Variants in OSBPL5 observed in about 807,000 individuals in gnomAD.
OSBPL5 encodes oxysterol binding protein like 5.
Under a neutral mutation model 111.2 loss-of-function variants are expected in OSBPL5, and 71 were observed. The observed-to-expected ratio is 0.64, with a 90% CI of 0.53 to 0.78. OSBPL5 has a LOEUF of 0.78. Ranked by LOEUF, OSBPL5 falls within the 30% of genes least tolerant of loss-of-function variation. The pLI is 0.00. For missense variants in OSBPL5, 1,210 were observed against 1,189.3 expected (o/e 1.02, Z -0.26); for synonymous variants, 549 against 513.9 (o/e 1.07, Z -0.93).
chr11:3,159,006 C>T (rs1468610726), intron 1 of OSBPL5, among the ~76,000 whole-genome samples: 2 of 152,114 alleles, frequency 1.3e-5, no homozygotes, highest in Admixed American at 1.3e-4. Flanking sequence ...TGAAGCCCAG[C>T]GAGGAGCAGC....
At chr11:3,094,455 G>C (rs1857181616) in intron 14 of OSBPL5, 121 bp from the exon 15 acceptor site, 6 of 734,346 alleles carry the variant, frequency 8.2e-6, no homozygotes, top group African/African-American at 7.0e-5. Context: ...CGATCCCTGG[G>C]AGGCCTGTGT....
At chr11:3,120,675 T>G (rs1308370364) in intron 5 of OSBPL5, 51 bp from the exon 6 acceptor site, 11 of 1,590,034 alleles carry the variant, frequency 6.9e-6, no homozygotes, top group African/African-American at 1.3e-5. Context: ...CCGCCATCCC[T>G]GGGGCATCTT....
At chr11:3,156,605 G>T (rs1203334149) in intron 1 of OSBPL5, among the ~76,000 whole-genome samples, 1 of 152,202 alleles carries the variant, frequency 6.6e-6, no homozygotes, top group Non-Finnish European at 1.5e-5. Context: ...GACGCCTAAA[G>T]CAAATACAAG....
intron 1 of OSBPL5, among the ~76,000 whole-genome samples, chr11:3,163,011 G>A (rs139780669): frequency 4.6e-5 from 7 of 152,142 alleles, no homozygotes; most frequent in African/African-American, 1.4e-4. Context: ...TGCACCTAAC[G>A]GCTCCCTCCC....
Position 3,107,529 on chromosome 11 carries a change from C to A in OSBPL5, c.867-74G>T. ...GCACAGCCCTCTGGGCTGCCCACCC[C>A]TCGCTGCTCCGCACTTCACATACGT... On this transcript the variant is annotated intron_variant, in intron 8 of 21. Coordinates refer to ENST00000263650, the MANE Select transcript of OSBPL5 (RefSeq NM_020896.4). The surrounding 1 kb of genome is among the most constrained non-coding windows in gnomAD (Gnocchi z 6.1). 6.5e-7 allele frequency: 1 copy of A among 1,527,988 alleles called. No homozygotes were observed. The highest frequency in any genetic ancestry group is 9.0e-7 in the Non-Finnish European group (1 of 1,112,928). 94.7% of individuals were successfully genotyped at this position (1,527,988 alleles called of 1,614,324 possible).
At chr11:3,150,980 C>T (rs1358800608) in intron 1 of OSBPL5, among the ~76,000 whole-genome samples, 2 of 152,140 alleles carry the variant, frequency 1.3e-5, no homozygotes, top group East Asian at 3.9e-4. Context: ...AAAGGTGTGT[C>T]CAAGTCCTAA....
chr11:3,099,412 C>T (rs887911485), intron 14 of OSBPL5, among the ~76,000 whole-genome samples: 3 of 152,098 alleles, frequency 2.0e-5, no homozygotes, highest in Admixed American at 6.5e-5. Flanking sequence ...ATTGGCTCAT[C>T]GATGATACCA....
chr11:3,143,613 A>G (rs1446701371), intron 1 of OSBPL5, among the ~76,000 whole-genome samples: 1 of 152,248 alleles, frequency 6.6e-6, no homozygotes, highest in Non-Finnish European at 1.5e-5. Context: ...CAAAGGCCAC[A>G]TCTTGTCCGC....
At position 3,146,149 on chromosome 11, in the gene OSBPL5, A is replaced by G. The variant is rs1184056881; in HGVS notation, c.-21-16980T>C. 2.0e-5 allele frequency: 3 copies of G among 152,176 alleles called. No homozygotes were observed. The highest frequency in any genetic ancestry group is 4.8e-5 in the African/African-American group (2 of 41,416). 9.4% of individuals were successfully genotyped at this position (152,176 alleles called of 1,614,324 possible). On this transcript the variant is annotated intron_variant, in intron 1 of 21. Coordinates refer to ENST00000263650, the MANE Select transcript of OSBPL5 (RefSeq NM_020896.4). The surrounding 1 kb of genome is among the most constrained non-coding windows in gnomAD (Gnocchi z 7.8). The stretch of plus-strand genomic sequence containing the variant: ...CACCAGATGCTAGGGGTACAAAAGA[A>G]AAATAAGCCAGGGTCCCGCGGCCCC...
intron 17 of OSBPL5, 37 bp downstream of exon 17, chr11:3,093,490 G>C (rs1325309395): frequency 8.2e-6 from 13 of 1,594,594 alleles, no homozygotes; most frequent in Non-Finnish European, 1.0e-5. Flanking sequence ...ATGTCAGGCT[G>C]TGGTCAGCAG....
chr11:3,126,623 T>C lies in OSBPL5; in HGVS notation c.137-68A>G. 1.4e-6 allele frequency: 2 copies of C among 1,408,054 alleles called. No individual in the cohort carries two copies. The highest frequency in any genetic ancestry group is 2.5e-5 in the East Asian group (1 of 40,800). 87.2% of individuals were successfully genotyped at this position (1,408,054 alleles called of 1,614,324 possible). A position where few individuals can be genotyped will look rare whatever the true frequency, so the allele number is the denominator to read the frequency against. ...TGGCCAGGCTTCTCAGGCCGCTGCC[T>C]GGTGTGAGGCAGGCGAAGCGTGGGT... On this transcript the variant is annotated intron_variant, in intron 2 of 21. Coordinates refer to ENST00000263650, the MANE Select transcript of OSBPL5 (RefSeq NM_020896.4). The surrounding 1 kb of genome is among the most constrained non-coding windows in gnomAD (Gnocchi z 6.5).
intron 1 of OSBPL5, among the ~76,000 whole-genome samples, chr11:3,145,703 G>A (rs913438021): frequency 1.3e-5 from 2 of 152,208 alleles, no homozygotes; most frequent in African/African-American, 2.4e-5. Flanking sequence ...CAGGGCCAGC[G>A]AGGCATTTAC....
At position 3,107,870 on chromosome 11, in the gene OSBPL5, C is replaced by T; in HGVS notation, c.767G>A (p.Gly256Asp). ...SLLRLGTCKP[G>D]RDGEPGTSPD... ...CGAGGTCCCTGGCTCCCCGTCTCGG[C>T]CCGGCTTGCAGGTGCCCAGTCTCAG... is the stretch of plus-strand genomic sequence containing the variant. Residue 256 changes from glycine to aspartate, a missense_variant, in exon 8 of 22, where the codon GGC becomes GAC. Transcript: ENST00000263650. This position sits in a 1 kb window ranked among gnomAD's most constrained non-coding sequence, Gnocchi z 6.1. The T allele has an allele frequency of 1.2e-6, 2 of 1,608,474 alleles. No individual in the cohort carries two copies. Among genetic ancestry groups the T allele is most frequent in the Non-Finnish European group, 1.7e-6 (2 of 1,179,924 alleles).
At chr11:3,098,671 A>G (rs1314075572) in intron 14 of OSBPL5, among the ~76,000 whole-genome samples, 2 of 151,718 alleles carry the variant, frequency 1.3e-5, no homozygotes, top group African/African-American at 2.4e-5. Flanking sequence ...ATGTCTGGCT[A>G]ATTTTGTATA....
chr11:3,099,787 G>A (rs1309400501), intron 14 of OSBPL5, among the ~76,000 whole-genome samples: 1 of 152,108 alleles, frequency 6.6e-6, no homozygotes, highest in Non-Finnish European at 1.5e-5. Context: ...TCATGGGCGA[G>A]GCTGGGCGCG....
chr11:3,121,833 G>A lies in OSBPL5; in HGVS notation c.402+164C>T. ...TTATAAAAAGGGGGAGAGACAGGTG[G>A]ATAAGGAAAGGCCTCATGAGGAAGG... On this transcript the variant is annotated intron_variant, in intron 5 of 21. Transcript: ENST00000263650. The surrounding 1 kb of genome is among the most constrained non-coding windows in gnomAD (Gnocchi z 4.3). 1 of 637,260 alleles carries A rather than the reference G, an allele frequency of 1.6e-6. No individual in the cohort carries two copies. The highest frequency in any genetic ancestry group is 1.9e-5 in the South Asian group (1 of 52,188). The allele number at this position is 637,260 out of a possible 1,614,324, so 39.5% of individuals were successfully genotyped here.
In OSBPL5 at chr11:3,146,727, G is replaced by A. The variant is rs942667913; in HGVS notation, c.-21-17558C>T. ...CTCTCTGGGGAGGGGGACAATCCTGGGGCCCCTCTGGGGTTTGGGAGATGA... is the reference window on the plus strand; with the variant it reads ...CTCTCTGGGGAGGGGGACAATCCTGAGGCCCCTCTGGGGTTTGGGAGATGA... On this transcript the variant is annotated intron_variant, in intron 1 of 21. Coordinates refer to ENST00000263650, the MANE Select transcript of OSBPL5 (RefSeq NM_020896.4). This position sits in a 1 kb window ranked among gnomAD's most constrained non-coding sequence, Gnocchi z 7.8. 3 of 152,438 alleles carry A rather than the reference G, an allele frequency of 2.0e-5. No individual in the cohort carries two copies. The highest frequency in any genetic ancestry group is 2.0e-4 in the Admixed American group (3 of 15,308). 9.4% of individuals were successfully genotyped at this position (152,438 alleles called of 1,614,324 possible). A position where few individuals can be genotyped will look rare whatever the true frequency, so the allele number is the denominator to read the frequency against.
At chr11:3,091,631 G>A (rs1857058028) in intron 19 of OSBPL5, among the ~76,000 whole-genome samples, 1 of 152,128 alleles carries the variant, frequency 6.6e-6, no homozygotes, top group African/African-American at 2.4e-5. Flanking sequence ...GAGCCCGGGG[G>A]GATGGAGACT....
chr11:3,102,263 T>C lies in OSBPL5; in HGVS notation c.1345A>G (p.Asn449Asp). The change falls in exon 12 of 22, where the codon AAC (asparagine) becomes GAC (aspartate). Residue 449 changes from asparagine (N) to aspartate (D), a missense_variant. Transcript: ENST00000263650. ...KKPKGIKKPY[N>D]PILGETFRCC... ...CGGAAGGTCTCCCCCAGGATGGGGT[T>C]GTACGGCTTCTTGATTCCCTGCAGA... is the stretch of plus-strand genomic sequence containing the variant. 6.2e-7 allele frequency: 1 copy of C among 1,603,586 alleles called. No homozygotes were observed. The highest frequency in any genetic ancestry group is 8.5e-7 in the Non-Finnish European group (1 of 1,175,592).
Sources: gnomAD v4.1 joint callset for allele counts (sites outside exome capture counted in the v4.1 genomes callset) on GRCh38, gnomAD v4.1.1 for gene constraint, Gnocchi (gnomAD v3.1) non-coding constraint, MANE v1.5 for transcripts, NCBI Gene and HGNC (gene_info 2026-07-23, HGNC 2026-07-21) for gene names.